TNIK: variants seen among roughly 807,000 people sequenced by gnomAD.
TNIK encodes TRAF2 and NCK interacting kinase.
Under a neutral mutation model 191.3 loss-of-function variants are expected in TNIK, and 49 were observed. The observed-to-expected ratio is 0.26, with a 90% CI of 0.20 to 0.32. The LOEUF is 0.32. TNIK is among the 10% of genes least tolerant of loss of function. The pLI is 1.00. For missense variants in TNIK, 1,155 were observed against 1,702.3 expected, an observed-to-expected ratio of 0.68 and a Z score of 5.66; for synonymous variants, 594 against 600.9, an observed-to-expected ratio of 0.99 and a Z score of 0.17.
chr3:171,369,740 T>G, intron 1 of TNIK, 55 bp from the exon 2 acceptor site: 1 of 1,422,206 alleles, frequency 7.0e-7, no homozygotes, highest in Non-Finnish European at 9.7e-7. Context: ...AGGCATTGCC[T>G]TAATCAAAAG....
chr3:171,167,072 T>C lies in TNIK; in HGVS notation c.949+23A>G, dbSNP rs557858014. The C allele has an allele frequency of 6.2e-6, 10 of 1,602,108 alleles. No homozygotes were observed. The African/African-American group carries it at 6.7e-5, about 11-fold the overall frequency. On this transcript the variant is annotated intron_variant, in intron 10 of 32. Coordinates refer to ENST00000436636, the MANE Select transcript of TNIK (RefSeq NM_015028.4). ...TCACTCCATCTTTTGTTTCTGCTGC[T>C]GAAATACAAATGTGCGTCTAACCTT...
intron 18 of TNIK, among the ~76,000 whole-genome samples, chr3:171,120,612 C>G (rs13085904): frequency 0.43 from 65,943 of 151,936 alleles, 16,555 homozygotes; most frequent in Non-Finnish European, 0.57. Flanking sequence ...AGCCACCGCG[C>G]CCGGCCTCTT....
intron 1 of TNIK, among the ~76,000 whole-genome samples, chr3:171,436,226 G>C (rs1245811417): frequency 9.3e-5 from 14 of 149,830 alleles, no homozygotes; most frequent in Non-Finnish European, 4.5e-5. Flanking sequence ...TTTTACATCT[G>C]TTTTTACCAC....
At chr3:171,405,407 T>C (rs1197366404) in intron 1 of TNIK, among the ~76,000 whole-genome samples, 1 of 152,116 alleles carries the variant, frequency 6.6e-6, no homozygotes, top group Non-Finnish European at 1.5e-5. Flanking sequence ...CTAAATAATA[T>C]TTTAATTGCC....
chr3:171,346,854 A>T (rs1237463670), intron 2 of TNIK: 1 of 254,724 alleles, frequency 3.9e-6, no homozygotes, highest in Non-Finnish European at 7.4e-6. Context: ...TTGTGTTCAG[A>T]TCATCCTGGG....
At chr3:171,226,003 T>C (rs1429453816) in intron 3 of TNIK, among the ~76,000 whole-genome samples, 1 of 152,160 alleles carries the variant, frequency 6.6e-6, no homozygotes, top group Non-Finnish European at 1.5e-5. Context: ...CAAATTCTGA[T>C]TTGTTCTGTG....
At chr3:171,410,947 C>A (rs1357845465) in intron 1 of TNIK, among the ~76,000 whole-genome samples, 1 of 152,106 alleles carries the variant, frequency 6.6e-6, no homozygotes, top group Non-Finnish European at 1.5e-5. Flanking sequence ...CACCATTAAT[C>A]CACTACACTC....
At chr3:171,126,599 G>A (rs1335177962) in intron 16 of TNIK, among the ~76,000 whole-genome samples, 1 of 152,140 alleles carries the variant, frequency 6.6e-6, no homozygotes, top group East Asian at 1.9e-4. Context: ...TCCTGAGGTG[G>A]ATACAGTCAT....
At chr3:171,146,309 ACTC>A (rs1213169513) in intron 12 of TNIK, among the ~76,000 whole-genome samples, 12 of 152,022 alleles carry the variant, frequency 7.9e-5, no homozygotes, top group African/African-American at 2.4e-4. Context: ...AGCCACCTTA[ACTC>A]CTCCTTTTGG....
intron 2 of TNIK, among the ~76,000 whole-genome samples, chr3:171,289,647 A>C (rs1751450908): frequency 6.6e-6 from 1 of 152,228 alleles, no homozygotes; most frequent in Non-Finnish European, 1.5e-5. Flanking sequence ...CTCATGCCTA[A>C]TCCCAGCACT....
At chr3:171,456,103 A>G (rs570491645) in intron 1 of TNIK, among the ~76,000 whole-genome samples, 12 of 141,014 alleles carry the variant, frequency 8.5e-5, no homozygotes, top group African/African-American at 2.9e-4. Context: ...ATTTTGTTCA[A>G]ATACAAAAGT....
chr3:171,212,930 C>T (rs1741013213), intron 3 of TNIK, among the ~76,000 whole-genome samples: 7 of 152,008 alleles, frequency 4.6e-5, no homozygotes, highest in Admixed American at 4.6e-4. Flanking sequence ...AAGCATGTTA[C>T]ATATCACATG....
chr3:171,220,112 A>G (rs1211461016), intron 3 of TNIK, among the ~76,000 whole-genome samples: 1 of 152,184 alleles, frequency 6.6e-6, no homozygotes, highest in Non-Finnish European at 1.5e-5. Context: ...TGAAGCTGGA[A>G]ACCATCATTC....
chr3:171,120,323 C>CT (rs397691045), intron 18 of TNIK, among the ~76,000 whole-genome samples: 10,235 of 136,278 alleles, frequency 0.075, 495 homozygotes, highest in African/African-American at 0.11. Flanking sequence ...TTTTTTCTTT[C>CT]TTTTTTTTTT....
intron 14 of TNIK, 38 bp downstream of exon 14, chr3:171,139,432 C>T: frequency 6.4e-7 from 1 of 1,560,488 alleles, no homozygotes; most frequent in Non-Finnish European, 8.8e-7. Flanking sequence ...GCAAGATGAA[C>T]ACAGAGCAGG....
At chr3:171,263,384 G>T (rs1165257668) in intron 2 of TNIK, among the ~76,000 whole-genome samples, 2 of 152,184 alleles carry the variant, frequency 1.3e-5, no homozygotes, top group African/African-American at 4.8e-5. Context: ...GCAGGTTAAG[G>T]AAGGGCATTA....
intron 2 of TNIK, among the ~76,000 whole-genome samples, chr3:171,255,350 C>T (rs1746724552): frequency 6.6e-6 from 1 of 152,136 alleles, no homozygotes; most frequent in Non-Finnish European, 1.5e-5. Flanking sequence ...TCTAAAGCTC[C>T]CTGGGTGACA....
chr3:171,078,365 C>G (rs370921281), intron 28 of TNIK, among the ~76,000 whole-genome samples: 123 of 152,136 alleles, frequency 8.1e-4, no homozygotes, highest in African/African-American at 2.9e-3. Context: ...TTGTTCTACT[C>G]TTTAGGAGAA....
At chr3:171,311,922 C>T (rs896636216) in intron 2 of TNIK, among the ~76,000 whole-genome samples, 10 of 151,706 alleles carry the variant, frequency 6.6e-5, no homozygotes, top group African/African-American at 2.2e-4. Flanking sequence ...ATTCCAGCAG[C>T]AAACATACAC....
Sources: gnomAD v4.1 joint callset for allele counts (sites outside exome capture counted in the v4.1 genomes callset) on GRCh38, gnomAD v4.1.1 for gene constraint, MANE v1.5 for transcripts, NCBI Gene and HGNC (gene_info 2026-07-23, HGNC 2026-07-21) for gene names.